CNKSR1: variants seen among roughly 807,000 people sequenced by gnomAD.
CNKSR1 encodes CNK homolog protein 1.
In CNKSR1, 88 loss-of-function variants were observed where a neutral mutation model predicts 95.6. The observed-to-expected ratio is 0.92, with a 90% confidence interval of 0.78 to 1.10. The LOEUF (loss-of-function observed/expected upper bound fraction) is 1.10. CNKSR1 is among the 50% of genes least tolerant of loss of function. The pLI is 0.00. For synonymous variants in CNKSR1, 355 were observed against 369.7 expected (o/e 0.96, Z 0.46); for missense variants, 836 against 912.0 (o/e 0.92, Z 1.07).
intron 16 of CNKSR1, 135 bp downstream of exon 16, chr1:26,187,617 T>C: frequency 1.4e-6 from 1 of 709,470 alleles, no homozygotes. Flanking sequence ...CACTTCTCTT[T>C]CTCTTTTTTT....
Position 26,188,578 on chromosome 1 carries a change from G to A in CNKSR1, c.1591-20G>A, listed in dbSNP as rs1338594850. The A allele has an allele frequency of 6.8e-6, 11 of 1,613,200 alleles. No homozygotes were observed. The highest frequency in any genetic ancestry group is 7.6e-6 in the Non-Finnish European group (9 of 1,179,654). On this transcript the variant is annotated intron_variant, in intron 18 of 20. Coordinates refer to ENST00000361530, the MANE Select transcript of CNKSR1 (RefSeq NM_006314.3). ...TGGAGCTCAGACAGAAACCCTCTGT[G>A]CTTTCCACCCTGCCTGCAGCCCAGC...
chr1:26,177,673 GA>G, intron 1 of CNKSR1, 74 bp downstream of exon 1: 3 of 1,566,724 alleles, frequency 1.9e-6, no homozygotes, highest in South Asian at 2.3e-5. Flanking sequence ...GGGAGGAGAG[GA>G]AAAGGAAAAA....
intron 1 of CNKSR1, among the ~76,000 whole-genome samples, chr1:26,178,428 G>A (rs2783632): frequency 0.062 from 9,437 of 152,236 alleles, 966 homozygotes; most frequent in African/African-American, 0.21. Flanking sequence ...CCTATCCAAG[G>A]GGCAAGGTGC....
Position 26,188,882 on chromosome 1 carries a change from A to G in CNKSR1, c.1801A>G (p.Met601Val). 6.2e-7 allele frequency: 1 copy of G among 1,612,936 alleles called. No homozygotes were observed. The highest frequency in any genetic ancestry group is 1.3e-5 in the African/African-American group (1 of 74,748). ...LTQEQWRSSFMRRNRDPQLNE... is the reference protein window; with the variant it reads ...LTQEQWRSSFVRRNRDPQLNE... The stretch of plus-strand genomic sequence containing the variant: ...CCAGGAACAGTGGCGGAGCTCTTTC[A>G]TGCGGCGCAACCGAGACCCTCAGCT... Residue 601 changes from methionine to valine, a missense_variant, in exon 20 of 21, where the codon ATG (methionine) becomes GTG (valine). Transcript: ENST00000361530.
chr1:26,183,194 C>CAG lies in CNKSR1; in HGVS notation c.625-2_625-1dup, dbSNP rs750109473. The CAG allele has an allele frequency of 9.9e-6, 16 of 1,613,964 alleles. No homozygotes were observed. The highest frequency in any genetic ancestry group is 1.4e-5 in the Non-Finnish European group (16 of 1,179,992). ...CCGGTGACTATAGCCTCTGCCTCTG[C>CAG]AGGGCCTAGAAATTCACACCACCAG... On this transcript the variant is annotated splice_polypyrimidine_tract_variant and splice_region_variant and intron_variant, in intron 6 of 20. Transcript: ENST00000361530.
intron 16 of CNKSR1, 53 bp from the exon 17 acceptor site, chr1:26,188,181 A>G (rs2088789471): frequency 4.7e-6 from 7 of 1,497,522 alleles, no homozygotes; most frequent in Non-Finnish European, 6.5e-6. Flanking sequence ...CCCCCAGCAT[A>G]CAAGAGGGCC....
chr1:26,185,752 A>T (rs1167939934), intron 14 of CNKSR1, among the ~76,000 whole-genome samples: 1 of 151,750 alleles, frequency 6.6e-6, no homozygotes, highest in African/African-American at 2.4e-5. Context: ...CCTTGTCTCA[A>T]ACTCCTGGGC....
At chr1:26,180,287 G>C in intron 1 of CNKSR1, 166 bp from the exon 2 acceptor site, 2 of 803,036 alleles carry the variant, frequency 2.5e-6, no homozygotes, top group Non-Finnish European at 4.1e-6. Flanking sequence ...ATACTTTCCT[G>C]CTTCTCAACT....
At chr1:26,183,694 C>T (rs2088685234) in intron 8 of CNKSR1, 35 bp from the exon 9 acceptor site, 1 of 1,469,652 alleles carries the variant, frequency 6.8e-7, no homozygotes, top group Non-Finnish European at 9.5e-7. Flanking sequence ...AGCCTCCTGC[C>T]CAGGTTGATA....
intron 4 of CNKSR1, 86 bp downstream of exon 4, chr1:26,182,027 A>G: frequency 8.0e-7 from 1 of 1,254,454 alleles, no homozygotes; most frequent in South Asian, 1.2e-5. Flanking sequence ...TCAGCCCAGG[A>G]TCGAGTATGA....
chr1:26,181,427 C>T (rs1348102207), intron 3 of CNKSR1, among the ~76,000 whole-genome samples: 2 of 151,980 alleles, frequency 1.3e-5, no homozygotes, highest in African/African-American at 4.8e-5. Context: ...AATGGAGAGC[C>T]TCCCCAACCC....
intron 1 of CNKSR1, among the ~76,000 whole-genome samples, chr1:26,179,023 A>T (rs2088604665): frequency 1.3e-5 from 2 of 152,242 alleles, no homozygotes; most frequent in South Asian, 4.1e-4. Context: ...CAGTTTTCCC[A>T]TCTGTAAGCA....
chr1:26,186,815 C>A, intron 14 of CNKSR1: 1 of 279,130 alleles, frequency 3.6e-6, no homozygotes, highest in South Asian at 4.1e-5. Flanking sequence ...TTTTCCCAGT[C>A]TGGTCTCAAA....
rs2088709669 is a variant in CNKSR1 at position 26,184,440 on chromosome 1, CG to C, written c.1042del (p.Glu348AsnfsTer10). ...SLGPEPLPIP[P>X]EPPAILPAGV... ...GGCCCTGAGCCCCTGCCCATCCCCC[CG>C]GAACCCCCAGCCATACTCCCAGCAG... On this transcript the variant is annotated frameshift_variant, in exon 12 of 21. Transcript: ENST00000361530. LOFTEE classifies it high-confidence loss of function. 6.2e-7 allele frequency: 1 copy of C among 1,613,386 alleles called. No homozygotes were observed. The highest frequency in any genetic ancestry group is 2.2e-5 in the East Asian group (1 of 44,788).
intron 1 of CNKSR1, among the ~76,000 whole-genome samples, chr1:26,178,733 T>G (rs2088600065): frequency 6.6e-6 from 1 of 152,222 alleles, no homozygotes; most frequent in South Asian, 2.1e-4. Flanking sequence ...GAAAGGCAAC[T>G]CTGACCTTAT....
In CNKSR1 at chr1:26,177,498, G is replaced by C; in HGVS notation, c.-50G>C. The C allele has an allele frequency of 6.2e-7, 1 of 1,610,812 alleles. No individual in the cohort carries two copies. Among genetic ancestry groups the C allele is most frequent in the Non-Finnish European group, 8.5e-7 (1 of 1,178,458 alleles). On this transcript the variant is annotated 5_prime_UTR_variant, in exon 1 of 21. Coordinates refer to ENST00000361530, the MANE Select transcript of CNKSR1 (RefSeq NM_006314.3). ...CCTGGGCTCTGGGAGCGGAAATTCC[G>C]GCGACAGCAGGGCAAAACAGGAGCT...
At chr1:26,182,203 C>G (rs2088658382) in intron 4 of CNKSR1, 158 bp from the exon 5 acceptor site, 1 of 782,746 alleles carries the variant, frequency 1.3e-6, no homozygotes, top group South Asian at 1.7e-5. Flanking sequence ...GAAACGAGCC[C>G]TCTGGTTAAA....
At chr1:26,187,061 G>T in intron 14 of CNKSR1, 107 bp from the exon 15 acceptor site, 1 of 817,718 alleles carries the variant, frequency 1.2e-6, no homozygotes. Context: ...CCCAGGAGAT[G>T]CCTTCTCCTC....
intron 3 of CNKSR1, chr1:26,181,528 TTAATAAA>T (rs1295249953): frequency 3.3e-6 from 1 of 299,284 alleles, no homozygotes; most frequent in African/African-American, 2.2e-5. Context: ...AGCTATACTA[TTAATAAA>T]TAATAAATAA....
Sources: gnomAD v4.1 joint callset for allele counts (sites outside exome capture counted in the v4.1 genomes callset) on GRCh38, gnomAD v4.1.1 for gene constraint, MANE v1.5 for transcripts, NCBI Gene and HGNC (gene_info 2026-07-23, HGNC 2026-07-21) for gene names.